The following GALNTL6 variants were observed in gnomAD, a reference collection of about 807,000 sequenced individuals.
GALNTL6 encodes the protein polypeptide N-acetylgalactosaminyltransferase like 6.
In GALNTL6, 46 loss-of-function variants were observed where a neutral mutation model predicts 73.7. That is an observed-to-expected ratio of 0.62 (90% CI 0.49 to 0.80). The LOEUF is 0.80. Among genes scored for constraint, GALNTL6 ranks in the 30% least tolerant of loss-of-function variants. The pLI, the probability that GALNTL6 is intolerant of heterozygous loss-of-function variation, is 0.00. For synonymous variants in GALNTL6, 259 were observed against 263.7 expected (o/e 0.98, Z 0.17); for missense variants, 604 against 755.0 (o/e 0.80, Z 2.34).
chr4:172,699,273 A>G (rs558086211), intron 5 of GALNTL6, among the ~76,000 whole-genome samples: 24 of 152,248 alleles, frequency 1.6e-4, no homozygotes, highest in African/African-American at 5.8e-4. Flanking sequence ...CATTTAGACC[A>G]TAGCATTCTG....
At chr4:172,616,374 T>C (rs768421877) in intron 5 of GALNTL6, among the ~76,000 whole-genome samples, 26 of 152,138 alleles carry the variant, frequency 1.7e-4, no homozygotes, top group Admixed American at 3.3e-4. Flanking sequence ...TTGCTGAACA[T>C]CTGCAGAGGG....
At chr4:172,989,720 A>G (rs1751459320) in intron 10 of GALNTL6, among the ~76,000 whole-genome samples, 1 of 152,152 alleles carries the variant, frequency 6.6e-6, no homozygotes, top group Non-Finnish European at 1.5e-5. Context: ...ACTTTCTGCC[A>G]TGACTGAAAG....
intron 10 of GALNTL6, among the ~76,000 whole-genome samples, chr4:172,963,393 T>C (rs2126384821): frequency 6.6e-6 from 1 of 152,308 alleles, no homozygotes; most frequent in South Asian, 2.1e-4. Flanking sequence ...CTAGCATCCA[T>C]CACTATATAA....
At chr4:172,349,875 T>C (rs1741885850) in intron 5 of GALNTL6, among the ~76,000 whole-genome samples, 1 of 151,244 alleles carries the variant, frequency 6.6e-6, no homozygotes, top group Non-Finnish European at 1.5e-5. Flanking sequence ...CTGGTCATTT[T>C]AGGTTTGATT....
At chr4:173,038,180 G>A (rs1483508248) in intron 12 of GALNTL6, among the ~76,000 whole-genome samples, 4 of 152,242 alleles carry the variant, frequency 2.6e-5, no homozygotes, top group Non-Finnish European at 4.4e-5. Flanking sequence ...AACAGCTTAA[G>A]AGTGCTCTTT....
intron 3 of GALNTL6, among the ~76,000 whole-genome samples, chr4:172,239,288 T>C (rs2110988613): frequency 6.6e-6 from 1 of 152,330 alleles, no homozygotes; most frequent in East Asian, 1.9e-4. Context: ...TATTGGTCTA[T>C]TCATGATTTG....
intron 5 of GALNTL6, among the ~76,000 whole-genome samples, chr4:172,714,998 A>G (rs1734977002): frequency 6.6e-6 from 1 of 152,170 alleles, no homozygotes; most frequent in Non-Finnish European, 1.5e-5. Flanking sequence ...ACTTCAAAAA[A>G]AAAAAGGAGG....
At chr4:172,943,978 A>G (rs1356471324) in intron 9 of GALNTL6, among the ~76,000 whole-genome samples, 1 of 152,236 alleles carries the variant, frequency 6.6e-6, no homozygotes, top group African/African-American at 2.4e-5. Context: ...CTTGCACCAC[A>G]TACAAAAATT....
In GALNTL6 at chr4:172,936,929, G is replaced by A. The variant is rs569297050; in HGVS notation, c.1149+5661G>A. On this transcript the variant is annotated intron_variant, in intron 9 of 12. Coordinates refer to ENST00000506823, the MANE Select transcript of GALNTL6 (RefSeq NM_001034845.3). Reference sequence around the variant, plus strand: ...GAGTAGAGCTGGGTCTATGAACCGAGGTCTGTCTGGTCGAGGTTCATGCTC... The same window carrying A: ...GAGTAGAGCTGGGTCTATGAACCGAAGTCTGTCTGGTCGAGGTTCATGCTC... Among the ~76,000 whole-genome samples the A allele has an allele frequency of 2.0e-5, 3 of 152,234 alleles. No individual in the cohort carries two copies. The East Asian group carries it at 5.8e-4, about 29-fold the overall frequency.
intron 10 of GALNTL6, among the ~76,000 whole-genome samples, chr4:172,982,715 A>C (rs1751120819): frequency 6.6e-6 from 1 of 152,176 alleles, no homozygotes. Flanking sequence ...GAACATGTGA[A>C]TGTGACTTTT....
At chr4:172,877,556 A>C (rs903461943) in intron 7 of GALNTL6, among the ~76,000 whole-genome samples, 12 of 152,044 alleles carry the variant, frequency 7.9e-5, no homozygotes, top group African/African-American at 1.7e-4. Context: ...TAGCCTCATT[A>C]ATTTAAAATT....
intron 10 of GALNTL6, among the ~76,000 whole-genome samples, chr4:172,999,743 C>T (rs1751960905): frequency 7.4e-6 from 1 of 135,246 alleles, no homozygotes; most frequent in Admixed American, 8.4e-5. Context: ...AATGTCTAAA[C>T]ACATATCTTC....
intron 5 of GALNTL6, among the ~76,000 whole-genome samples, chr4:172,357,296 G>C (rs558402554): frequency 4.7e-4 from 72 of 152,138 alleles, no homozygotes; most frequent in Non-Finnish European, 8.8e-4. Flanking sequence ...TGGATTTTGG[G>C]CTGGCCCCTT....
At chr4:171,904,962 C>G (rs979997617) in intron 2 of GALNTL6, among the ~76,000 whole-genome samples, 11 of 152,058 alleles carry the variant, frequency 7.2e-5, no homozygotes, top group Non-Finnish European at 1.3e-4. Flanking sequence ...TTTGTCACCA[C>G]CAGGCCTGCC....
At chr4:172,567,723 C>T (rs182740045) in intron 5 of GALNTL6, among the ~76,000 whole-genome samples, 2 of 152,240 alleles carry the variant, frequency 1.3e-5, no homozygotes, top group Admixed American at 1.3e-4. Context: ...GTAATCCCAG[C>T]TACTTGAGAA....
At chr4:172,487,629 C>T (rs536358090) in intron 5 of GALNTL6, among the ~76,000 whole-genome samples, 1 of 151,994 alleles carries the variant, frequency 6.6e-6, no homozygotes, top group Admixed American at 6.6e-5. Context: ...CTCAGGTGAT[C>T]TGCCCGCCTC....
At chr4:172,738,927 G>T (rs1185468525) in intron 5 of GALNTL6, among the ~76,000 whole-genome samples, 2 of 152,148 alleles carry the variant, frequency 1.3e-5, no homozygotes, top group Non-Finnish European at 2.9e-5. Context: ...AGAAATAAAT[G>T]TCTGGGTTAT....
At chr4:172,063,302 A>G (rs1031508058) in intron 2 of GALNTL6, among the ~76,000 whole-genome samples, 3 of 152,190 alleles carry the variant, frequency 2.0e-5, no homozygotes, top group Non-Finnish European at 4.4e-5. Flanking sequence ...TCAATATAGT[A>G]AGTCTCATCA....
Position 172,767,104 on chromosome 4 carries a change from G to A in GALNTL6, c.554-42257G>A, listed in dbSNP as rs146119011. Among the ~76,000 whole-genome samples the A allele has an allele frequency of 1.8e-4, 27 of 152,284 alleles. No individual in the cohort carries two copies. In the East Asian group the frequency reaches 4.2e-3, roughly 24 times the overall value. ...TAATAAATAAGAGCTAAAGAATATTGCATGAGAATGGGAGCCAGTGAAACC... is the reference window on the plus strand; with the variant it reads ...TAATAAATAAGAGCTAAAGAATATTACATGAGAATGGGAGCCAGTGAAACC... On this transcript the variant is annotated intron_variant, in intron 5 of 12. Coordinates refer to ENST00000506823, the MANE Select transcript of GALNTL6 (RefSeq NM_001034845.3).
Sources: allele counts gnomAD v4.1 joint callset (sites outside exome capture counted in the v4.1 genomes callset), GRCh38; gene constraint gnomAD v4.1.1; transcripts MANE v1.5; gene names NCBI Gene and HGNC (gene_info 2026-07-23, HGNC 2026-07-21).